The following EYA1 variants were observed in gnomAD, a reference collection of about 807,000 sequenced individuals.
EYA1 encodes the protein protein phosphatase EYA1.
A neutral mutation model predicts 82.0 loss-of-function variants in EYA1; 16 were observed. That is an observed-to-expected ratio of 0.20 (90% CI 0.13 to 0.30). The LOEUF (loss-of-function observed/expected upper bound fraction) is 0.30, where lower values mean the gene tolerates loss of function less well. Among genes scored for constraint, EYA1 ranks in the 10% least tolerant of loss-of-function variants. The pLI is 1.00. For synonymous variants in EYA1, 261 were observed against 264.4 expected (o/e 0.99, Z 0.12); for missense variants, 633 against 730.7 (o/e 0.87, Z 1.54).
chr8:71,233,563 CAA>C (rs767423332), intron 12 of EYA1, among the ~76,000 whole-genome samples: 12 of 64,602 alleles, frequency 1.9e-4, no homozygotes, highest in Admixed American at 4.8e-4. Context: ...GACTCCGTCT[CAA>C]AAAAAAAAAA....
chr8:71,539,936 C>A (rs1456182286), intron 1 of EYA1, among the ~76,000 whole-genome samples: 1 of 152,116 alleles, frequency 6.6e-6, no homozygotes, highest in Non-Finnish European at 1.5e-5. Context: ...CATTTGCAAA[C>A]ATATAAAATC....
At chr8:71,526,042 C>T (rs1813792863) in intron 2 of EYA1, among the ~76,000 whole-genome samples, 1 of 152,030 alleles carries the variant, frequency 6.6e-6, no homozygotes, top group South Asian at 2.1e-4. Context: ...ACAATATAAG[C>T]TAGAATAAAA....
intron 12 of EYA1, among the ~76,000 whole-genome samples, chr8:71,225,597 T>C (rs1810460849): frequency 6.6e-6 from 1 of 152,198 alleles, no homozygotes; most frequent in African/African-American, 2.4e-5. Context: ...ATTCCCACTC[T>C]AAACTATCTA....
At chr8:71,247,335 G>T (rs974362904) in intron 11 of EYA1, among the ~76,000 whole-genome samples, 1 of 152,148 alleles carries the variant, frequency 6.6e-6, no homozygotes, top group African/African-American at 2.4e-5. Context: ...TCCTGCCTGT[G>T]CCTTTTCTGC....
chr8:71,374,511 G>A (rs1309799123), intron 2 of EYA1, among the ~76,000 whole-genome samples: 1 of 152,154 alleles, frequency 6.6e-6, no homozygotes, highest in Non-Finnish European at 1.5e-5. Flanking sequence ...GTGGAGAAAA[G>A]GAAACCTTTG....
At chr8:71,499,935 G>A (rs1011322083) in intron 2 of EYA1, among the ~76,000 whole-genome samples, 1 of 152,182 alleles carries the variant, frequency 6.6e-6, no homozygotes, top group Admixed American at 6.5e-5. Flanking sequence ...GGAAATTTAA[G>A]GAACAGGTTG....
intron 17 of EYA1, among the ~76,000 whole-genome samples, chr8:71,201,589 C>A (rs1283447900): frequency 6.6e-6 from 1 of 152,138 alleles, no homozygotes; most frequent in Admixed American, 6.5e-5. Context: ...AAATACAAAT[C>A]ATTTCTTATC....
rs578012293 is a variant in EYA1, at chr8:71,360,740, C to A, written c.-55+907G>T. Among the ~76,000 whole-genome samples, 3 of 152,188 alleles carry A rather than the reference C, an allele frequency of 2.0e-5. No homozygotes were observed. In the South Asian group the frequency reaches 6.2e-4, roughly 32 times the overall value. On this transcript the variant is annotated intron_variant, in intron 1 of 17. Coordinates refer to ENST00000340726, the MANE Select transcript of EYA1 (RefSeq NM_000503.6). ...TTGAAAGACACATTATAAAAACAAT[C>A]CCAAACCTATAAAACTACACTATGT...
At chr8:71,488,698 G>A (rs562860696) in intron 2 of EYA1, among the ~76,000 whole-genome samples, 1 of 152,154 alleles carries the variant, frequency 6.6e-6, no homozygotes, top group African/African-American at 2.4e-5. Context: ...AAATTAGCTG[G>A]TCTCTACACA....
chr8:71,244,574 A>G, intron 12 of EYA1, 29 bp downstream of exon 12: 1 of 1,184,294 alleles, frequency 8.4e-7, no homozygotes. Flanking sequence ...TCAGACATGC[A>G]AAAATATGTA....
chr8:71,277,133 T>TGC (rs1817290109), intron 9 of EYA1, among the ~76,000 whole-genome samples: 1 of 140,036 alleles, frequency 7.1e-6, no homozygotes, highest in African/African-American at 2.7e-5. Context: ...TTTTTTTTTT[T>TGC]TTTTTTTTTT....
In EYA1 at chr8:71,198,497, C is replaced by T. The variant is rs1806524235; in HGVS notation, c.*843G>A. On this transcript the variant is annotated 3_prime_UTR_variant, in exon 18 of 18. Coordinates refer to ENST00000340726, the MANE Select transcript of EYA1 (RefSeq NM_000503.6). ...CCGAAAACTCAGATAAGGCACGGCA[C>T]ATGAATTTGTGCACGTGCTGCCTCA... The T allele has an allele frequency of 6.6e-6, 1 of 152,530 alleles. No homozygotes were observed. Among genetic ancestry groups the T allele is most frequent in the African/African-American group, 2.4e-5 (1 of 41,422 alleles). 9.4% of individuals were successfully genotyped at this position (152,530 alleles called of 1,614,324 possible).
chr8:71,492,468 A>ATT (rs748896646), intron 2 of EYA1, among the ~76,000 whole-genome samples: 34,028 of 137,790 alleles, frequency 0.25, 4,780 homozygotes, highest in East Asian at 0.55. Context: ...ATTTATTATT[A>ATT]TTTTTTTTTT....
At chr8:71,320,445 T>G (rs935672983) in intron 6 of EYA1, among the ~76,000 whole-genome samples, 3 of 152,218 alleles carry the variant, frequency 2.0e-5, no homozygotes, top group African/African-American at 7.2e-5. Context: ...TCCTTTTTCT[T>G]CTTGTAGTCC....
chr8:71,537,999 A>G (rs542029291), intron 1 of EYA1, among the ~76,000 whole-genome samples: 2 of 152,332 alleles, frequency 1.3e-5, no homozygotes, highest in South Asian at 4.1e-4. Context: ...TGCCTCCAGT[A>G]AAAAGACTAC....
At chr8:71,477,572 C>A (rs11990526) in intron 2 of EYA1, among the ~76,000 whole-genome samples, 2,640 of 150,662 alleles carry the variant, frequency 0.018, 53 homozygotes, top group African/African-American at 0.062. Flanking sequence ...AGGCAAAAAA[C>A]AAGTGTTGGT....
At chr8:71,324,238 G>C (rs1047050552) in intron 4 of EYA1, among the ~76,000 whole-genome samples, 2 of 152,108 alleles carry the variant, frequency 1.3e-5, no homozygotes, top group Non-Finnish European at 2.9e-5. Flanking sequence ...TTACTACACA[G>C]AGTACAGGAA....
At chr8:71,215,781 G>T in intron 14 of EYA1, 53 bp from the exon 15 acceptor site, 1 of 1,201,378 alleles carries the variant, frequency 8.3e-7, no homozygotes, top group Non-Finnish European at 1.2e-6. Context: ...ATATTTCTTC[G>T]GCTTTGCAAG....
At chr8:71,495,351 C>T (rs1475688232) in intron 2 of EYA1, among the ~76,000 whole-genome samples, 1 of 152,156 alleles carries the variant, frequency 6.6e-6, no homozygotes, top group Non-Finnish European at 1.5e-5. Context: ...CGATGGCTCA[C>T]GCCTGTAATC....
Sources: gnomAD v4.1 joint callset for allele counts (sites outside exome capture counted in the v4.1 genomes callset) on GRCh38, gnomAD v4.1.1 for gene constraint, MANE v1.5 for transcripts, NCBI Gene and HGNC (gene_info 2026-07-23, HGNC 2026-07-21) for gene names.